Variants in RAD51B observed in about 807,000 individuals in gnomAD.
The protein encoded by RAD51B is DNA repair protein RAD51 homolog 2.
Under a neutral mutation model 42.2 loss-of-function variants are expected in RAD51B, and 38 were observed. The ratio of observed to expected loss-of-function variants is 0.90; its 90% confidence interval spans 0.70 to 1.18. The LOEUF (loss-of-function observed/expected upper bound fraction) is 1.18. RAD51B is among the 50% of genes most tolerant of loss of function. RAD51B has a pLI of 0.00. For synonymous variants in RAD51B, 154 were observed against 145.2 expected (o/e 1.06, Z -0.43); for missense variants, 373 against 400.7 (o/e 0.93, Z 0.59).
intron 7 of RAD51B, among the ~76,000 whole-genome samples, chr14:68,080,678 T>C (rs1427229616): frequency 6.6e-6 from 1 of 152,212 alleles, no homozygotes; most frequent in Admixed American, 6.5e-5. Context: ...GTTTGATCAG[T>C]GCAGGGGTCT....
At chr14:68,341,315 T>C (rs1056960228) in intron 8 of RAD51B, among the ~76,000 whole-genome samples, 5 of 152,184 alleles carry the variant, frequency 3.3e-5, no homozygotes, top group African/African-American at 4.8e-5. Context: ...AATGACACTG[T>C]GTCATTTATG....
chr14:68,574,770 C>A (rs554827417), intron 10 of RAD51B, among the ~76,000 whole-genome samples: 37 of 152,330 alleles, frequency 2.4e-4, no homozygotes, highest in Admixed American at 3.9e-4. Flanking sequence ...TTTATTTTTT[C>A]ATGGCTGGCA....
chr14:68,078,239 C>G (rs549285922), intron 7 of RAD51B, among the ~76,000 whole-genome samples: 23 of 152,290 alleles, frequency 1.5e-4, no homozygotes, highest in African/African-American at 5.5e-4. Context: ...TTCTTGAACT[C>G]TGGGCCTCAA....
At chr14:67,936,092 T>A (rs1053531337) in intron 7 of RAD51B, among the ~76,000 whole-genome samples, 3 of 152,334 alleles carry the variant, frequency 2.0e-5, no homozygotes, top group South Asian at 4.1e-4. Context: ...TTTTGAGATA[T>A]AATTTACATA....
At chr14:68,158,092 AT>A (rs148389958) in intron 7 of RAD51B, among the ~76,000 whole-genome samples, 1,989 of 152,274 alleles carry the variant, frequency 0.013, 19 homozygotes, top group South Asian at 0.023. Context: ...GTGGCAGACT[AT>A]TCTCACCACA....
At chr14:68,302,461 C>T (rs1343347107) in intron 8 of RAD51B, among the ~76,000 whole-genome samples, 1 of 98,704 alleles carries the variant, frequency 1.0e-5, no homozygotes, top group African/African-American at 2.9e-5. Flanking sequence ...GGAAAGTGCA[C>T]CTGACAGAGG....
intron 7 of RAD51B, among the ~76,000 whole-genome samples, chr14:68,096,716 T>C (rs140324513): frequency 1.3e-5 from 2 of 152,342 alleles, no homozygotes; most frequent in Non-Finnish European, 2.9e-5. Flanking sequence ...ATCTTATATT[T>C]GATTGTATTT....
chr14:67,982,579 G>A (rs1022688848), intron 7 of RAD51B, among the ~76,000 whole-genome samples: 10 of 152,022 alleles, frequency 6.6e-5, no homozygotes, highest in East Asian at 1.9e-4. Context: ...TTCATTTTGC[G>A]TGGAAGTTCT....
intron 8 of RAD51B, among the ~76,000 whole-genome samples, chr14:68,350,542 G>A (rs967304260): frequency 2.0e-5 from 3 of 152,170 alleles, no homozygotes; most frequent in South Asian, 2.1e-4. Flanking sequence ...TCCCTTCCCC[G>A]AGTCTTAGCA....
intron 11 of RAD51B, among the ~76,000 whole-genome samples, chr14:68,663,183 T>C (rs779195365): frequency 2.0e-5 from 3 of 152,108 alleles, no homozygotes; most frequent in Non-Finnish European, 4.4e-5. Context: ...GCACCTATAA[T>C]CCCAGCTACT....
chr14:68,092,731 A>G (rs1367139355), intron 7 of RAD51B, among the ~76,000 whole-genome samples: 1 of 152,098 alleles, frequency 6.6e-6, no homozygotes, highest in Non-Finnish European at 1.5e-5. Flanking sequence ...AACTTCCAAC[A>G]CTATGTTGAA....
intron 7 of RAD51B, among the ~76,000 whole-genome samples, chr14:68,261,839 G>A (rs1023147041): frequency 5.3e-5 from 8 of 152,176 alleles, no homozygotes; most frequent in African/African-American, 4.8e-5. Context: ...AATTTTGTGA[G>A]AAGAAAAGAG....
intron 7 of RAD51B, among the ~76,000 whole-genome samples, chr14:67,994,717 C>A (rs1264807563): frequency 6.6e-6 from 1 of 152,162 alleles, no homozygotes; most frequent in Admixed American, 6.5e-5. Flanking sequence ...AAAATGTTAG[C>A]TCCTTTTCAT....
At chr14:68,371,525 A>G (rs543622789) in intron 8 of RAD51B, among the ~76,000 whole-genome samples, 54 of 151,856 alleles carry the variant, frequency 3.6e-4, no homozygotes, top group Non-Finnish European at 2.9e-4. Context: ...TGAAGAAAAA[A>G]AAAAGGGGTT....
At chr14:68,663,938 G>A (rs1892985113) in intron 11 of RAD51B, among the ~76,000 whole-genome samples, 3 of 152,266 alleles carry the variant, frequency 2.0e-5, no homozygotes, top group South Asian at 2.1e-4. Flanking sequence ...AGCATCAGGT[G>A]CATTATAAGC....
chr14:67,866,246 C>A (rs1474351386), intron 5 of RAD51B, among the ~76,000 whole-genome samples: 2 of 152,054 alleles, frequency 1.3e-5, no homozygotes, highest in Non-Finnish European at 1.5e-5. Flanking sequence ...TTATTTGGAT[C>A]TTGACTTAAA....
chr14:68,260,335 CG>C (rs780991667), intron 7 of RAD51B, among the ~76,000 whole-genome samples: 1 of 21,068 alleles, frequency 4.7e-5, no homozygotes, highest in African/African-American at 3.1e-4. Flanking sequence ...GGGAAGACAG[CG>C]GGGGTAGAGA....
At chr14:67,838,106 T>TA (rs2041307036) in intron 4 of RAD51B, among the ~76,000 whole-genome samples, 1 of 152,226 alleles carries the variant, frequency 6.6e-6, no homozygotes, top group African/African-American at 2.4e-5. Context: ...TCCATGTTGT[T>TA]AGAGATGACA....
At chr14:68,244,308 T>C (rs934404996) in intron 7 of RAD51B, among the ~76,000 whole-genome samples, 15 of 152,254 alleles carry the variant, frequency 9.9e-5, no homozygotes, top group Non-Finnish European at 2.1e-4. Flanking sequence ...CGAGGCTTTT[T>C]CCTGTATTTG....
Sources: gnomAD v4.1 joint callset for allele counts (sites outside exome capture counted in the v4.1 genomes callset) on GRCh38, gnomAD v4.1.1 for gene constraint, MANE v1.5 for transcripts, NCBI Gene and HGNC (gene_info 2026-07-23, HGNC 2026-07-21) for gene names.